JAK1: variants seen among roughly 807,000 people sequenced by gnomAD.
JAK1 encodes tyrosine-protein kinase JAK1.
JAK1 carries 16 observed loss-of-function variants against 136.6 expected under a neutral mutation model. The ratio of observed to expected loss-of-function variants is 0.12; its 90% CI spans 0.08 to 0.18. The LOEUF (loss-of-function observed/expected upper bound fraction) is 0.18. JAK1 is among the 10% of genes least tolerant of loss of function. JAK1 has a pLI of 1.00. For missense variants in JAK1, 859 were observed against 1,450.1 expected (o/e 0.59, Z 6.62); for synonymous variants, 492 against 519.5 (o/e 0.95, Z 0.72).
chr1:64,928,139 T>C (rs2100419915), intron 1 of JAK1, among the ~76,000 whole-genome samples: 1 of 152,286 alleles, frequency 6.6e-6, no homozygotes, highest in South Asian at 2.1e-4. Flanking sequence ...CCAGTGCCCC[T>C]GAAACAGCCG....
intron 3 of JAK1, among the ~76,000 whole-genome samples, chr1:64,880,550 T>G (rs1358409393): frequency 1.3e-5 from 2 of 152,214 alleles, no homozygotes; most frequent in Non-Finnish European, 2.9e-5. Context: ...TCTAACAGTA[T>G]TACTACCCAT....
intron 1 of JAK1, among the ~76,000 whole-genome samples, chr1:64,890,032 G>A (rs1369678531): frequency 2.0e-5 from 3 of 152,130 alleles, no homozygotes; most frequent in African/African-American, 7.2e-5. Context: ...TTCTGAAGTA[G>A]AAAATACAAC....
rs955722696 is a variant in JAK1 at position 64,887,254 on chromosome 1, G to A, written c.-77-913C>T. ...AAGTAATGATGGAAAGCCCGGCAGG[G>A]GAGACAAGTATGAATTTGATTGTGA... On this transcript the variant is annotated intron_variant, in intron 1 of 24. Transcript: ENST00000342505. Among the ~76,000 whole-genome samples, 3 of 152,264 alleles carry A rather than the reference G, an allele frequency of 2.0e-5. No homozygotes were observed. In the East Asian group the frequency reaches 5.8e-4, roughly 29 times the overall value.
At chr1:65,038,466 T>A (rs1288567668) in intron 2 of JAK1, among the ~76,000 whole-genome samples, 9 of 152,116 alleles carry the variant, frequency 5.9e-5, no homozygotes, top group Non-Finnish European at 1.3e-4. Context: ...CCCAAAGTGC[T>A]AGAATTACAG....
In JAK1 at chr1:65,000,156, A is replaced by C. The variant is rs1646741554; in HGVS notation, c.-78+44324T>G. On this transcript the variant is annotated intron_variant, in intron 2 of 25. Coordinates refer to the JAK1 transcript ENST00000671954. ...CAGGCATGTGTCACCATGCCCAGCT[A>C]ATTTTGTATTTTTAGTAGAGACGGG... 2.0e-5 allele frequency among the ~76,000 whole-genome samples: 3 copies of C among 151,816 alleles called. No homozygotes were observed. In the South Asian group the frequency reaches 6.2e-4, roughly 31 times the overall value.
At chr1:64,840,179 G>C (rs1247571015) in intron 19 of JAK1, among the ~76,000 whole-genome samples, 5 of 152,218 alleles carry the variant, frequency 3.3e-5, no homozygotes, top group African/African-American at 1.2e-4. Flanking sequence ...TGCATGAGGA[G>C]TCTTTAGAAG....
chr1:65,046,775 C>T (rs994820496), intron 1 of JAK1, among the ~76,000 whole-genome samples: 2 of 151,662 alleles, frequency 1.3e-5, no homozygotes, highest in Non-Finnish European at 2.9e-5. Context: ...GTGTCGAACT[C>T]CTGGCCTCAA....
intron 5 of JAK1, among the ~76,000 whole-genome samples, chr1:64,872,573 T>C (rs1430552353): frequency 2.6e-5 from 4 of 152,248 alleles, no homozygotes; most frequent in African/African-American, 4.8e-5. Context: ...ATCTGATGCA[T>C]GCAGAGGCCA....
At chr1:64,961,894 TA>T (rs1646288949) in intron 1 of JAK1, among the ~76,000 whole-genome samples, 1 of 152,214 alleles carries the variant, frequency 6.6e-6, no homozygotes. Flanking sequence ...TATTTCCATA[TA>T]AACTATGTCT....
intron 2 of JAK1, among the ~76,000 whole-genome samples, chr1:64,998,046 GT>G (rs1251474409): frequency 6.6e-6 from 1 of 152,112 alleles, no homozygotes; most frequent in African/African-American, 2.4e-5. Context: ...AAATTAAAAA[GT>G]CAAACAAGTT....
At chr1:65,022,089 T>C (rs931739811) in intron 2 of JAK1, among the ~76,000 whole-genome samples, 50 of 152,356 alleles carry the variant, frequency 3.3e-4, no homozygotes, top group Admixed American at 4.6e-4. Context: ...ATAAGACATT[T>C]GTCATCCTGC....
intron 6 of JAK1, among the ~76,000 whole-genome samples, chr1:64,868,149 T>C (rs369499114): frequency 1.2e-4 from 18 of 152,338 alleles, no homozygotes; most frequent in East Asian, 7.7e-4. Flanking sequence ...AAAGATTAGT[T>C]ACCTATCCAG....
intron 17 of JAK1, 87 bp from the exon 18 acceptor site, chr1:64,841,688 C>A: frequency 7.4e-7 from 1 of 1,353,860 alleles, no homozygotes; most frequent in South Asian, 1.2e-5. Context: ...GCCAATTCCT[C>A]ATTCGATTCT....
chr1:64,939,853 C>A (rs922293139), intron 1 of JAK1, among the ~76,000 whole-genome samples: 7 of 152,184 alleles, frequency 4.6e-5, no homozygotes, highest in African/African-American at 1.7e-4. Context: ...TATCCCCCAA[C>A]TGGGTGGCTC....
chr1:64,838,959 C>A (rs938703788), intron 20 of JAK1, among the ~76,000 whole-genome samples: 5 of 151,168 alleles, frequency 3.3e-5, no homozygotes, highest in South Asian at 2.1e-4. Flanking sequence ...TCCTGGCTAA[C>A]ACGGTGAAAC....
intron 1 of JAK1, among the ~76,000 whole-genome samples, chr1:65,062,506 AG>A (rs557317147): frequency 1.5e-3 from 236 of 152,324 alleles, no homozygotes; most frequent in Admixed American, 0.014. Context: ...CCAATACCAA[AG>A]ACTTGCAATG....
intron 1 of JAK1, among the ~76,000 whole-genome samples, chr1:65,063,135 G>A (rs572709562): frequency 5.3e-5 from 8 of 152,308 alleles, no homozygotes; most frequent in East Asian, 1.9e-4. Context: ...GAGTGGAGCC[G>A]TGATTTGGTG....
intron 2 of JAK1, among the ~76,000 whole-genome samples, chr1:64,978,233 A>C (rs529548521): frequency 6.6e-6 from 1 of 152,084 alleles, no homozygotes; most frequent in East Asian, 1.9e-4. Flanking sequence ...AGCCGAGATC[A>C]CACCACTGCA....
intron 2 of JAK1, chr1:65,002,211 G>A (rs1323935155): frequency 1.3e-5 from 2 of 152,236 alleles, no homozygotes; most frequent in Non-Finnish European, 2.9e-5. Context: ...ATATGGGTGT[G>A]TATGTATATA....
Sources: allele counts gnomAD v4.1 joint callset (sites outside exome capture counted in the v4.1 genomes callset), GRCh38; gene constraint gnomAD v4.1.1; transcripts MANE v1.5; gene names NCBI Gene and HGNC (gene_info 2026-07-23, HGNC 2026-07-21).